The following PDK3 variants were observed in gnomAD, a reference collection of about 807,000 sequenced individuals.
PDK3 encodes the protein pyruvate dehydrogenase kinase 3.
A neutral mutation model predicts 32.0 loss-of-function variants in PDK3; 12 were observed. That is an observed-to-expected ratio of 0.37 (90% CI 0.24 to 0.61). The LOEUF (loss-of-function observed/expected upper bound fraction) is 0.61, where lower values mean the gene tolerates loss of function less well. Among genes scored for constraint, PDK3 ranks in the 20% least tolerant of loss-of-function variants. The probability of loss-of-function intolerance (pLI) is 0.65; values close to 1 mark genes in which losing one functional copy is unlikely to be tolerated. For synonymous variants in PDK3, 122 were observed against 116.3 expected, an observed-to-expected ratio of 1.05 and a Z score of -0.31; for missense variants, 188 against 316.9, an observed-to-expected ratio of 0.59 and a Z score of 3.09.
intron 1 of PDK3, among the ~76,000 whole-genome samples, chrX:24,467,972 A>G (rs751883118): frequency 6.2e-4 from 70 of 112,033 alleles, no homozygotes; most frequent in Non-Finnish European, 1.1e-3. Context: ...CATAAACAAA[A>G]TAGATGGATG....
intron 2 of PDK3, among the ~76,000 whole-genome samples, chrX:24,497,844 A>T (rs1004035245): frequency 1.8e-5 from 2 of 112,369 alleles, no homozygotes; most frequent in African/African-American, 6.5e-5. Context: ...CCAAATAGAG[A>T]TCACATATCT....
intron 6 of PDK3, 134 bp downstream of exon 6, chrX:24,519,144 C>T (rs990026600): frequency 8.1e-5 from 35 of 430,427 alleles, no homozygotes; most frequent in East Asian, 2.4e-4. Context: ...AAACTTTCTA[C>T]GCTTTTGGTC....
chrX:24,496,618 C>G (rs78097740), intron 2 of PDK3, among the ~76,000 whole-genome samples: 1 of 66,445 alleles, frequency 1.5e-5, no homozygotes, highest in African/African-American at 5.7e-5. Context: ...ATTTAGGAAT[C>G]CACTTCAGGA....
At chrX:24,486,270 G>A (rs777146971) in intron 1 of PDK3, among the ~76,000 whole-genome samples, 1 of 111,326 alleles carries the variant, frequency 9.0e-6, no homozygotes, top group African/African-American at 3.3e-5. Flanking sequence ...CGAAGCTGCC[G>A]TGATGTGAGG....
chrX:24,489,126 G>A (rs1921481918), intron 1 of PDK3, among the ~76,000 whole-genome samples: 1 of 111,717 alleles, frequency 9.0e-6, no homozygotes, highest in African/African-American at 3.3e-5. Context: ...AAAAATGGTT[G>A]TTAGAACCTT....
chrX:24,500,200 A>T (rs1921819725), intron 3 of PDK3, among the ~76,000 whole-genome samples: 1 of 111,970 alleles, frequency 8.9e-6, no homozygotes, highest in Admixed American at 9.5e-5. Context: ...AAGCAATAAA[A>T]AATAACAATG....
At chrX:24,507,172 C>G in intron 5 of PDK3, among the ~76,000 whole-genome samples, 1 of 111,007 alleles carries the variant, frequency 9.0e-6, no homozygotes, top group East Asian at 2.8e-4. Context: ...TCCCTTCTAC[C>G]CTTCTCTTTA....
intron 1 of PDK3, among the ~76,000 whole-genome samples, chrX:24,467,477 G>A (rs1021667480): frequency 8.9e-5 from 10 of 112,224 alleles, no homozygotes; most frequent in African/African-American, 3.2e-4. Context: ...ATAATTTAAG[G>A]TTTTCCTTAT....
At chrX:24,546,374 C>CT (rs1922996968) in exon 12 of PDK3, 1 of 111,969 alleles carries the variant, frequency 8.9e-6, no homozygotes, top group Admixed American at 9.5e-5. Context: ...GATGCTGTAG[C>CT]TAAAACAGCT....
rs200045909 is a variant in PDK3, at chrX:24,494,767, T to C, written c.132T>C (p.Thr44=). ...GGAGAGATAATGCATGTGAGAAAAC[T>C]TCATATATGTTTCTACGAAAGGAAC... The part of the protein sequence containing the change: ...DFGRDNACEK[T]SYMFLRKELP... Residue 44 remains threonine (T), a synonymous_variant, in exon 2 of 11, where the codon ACT becomes ACC. Transcript: ENST00000379162. The C allele has an allele frequency of 9.1e-5, 109 of 1,193,600 alleles. No individual in the cohort carries two copies. The highest frequency in any genetic ancestry group is 1.2e-4 in the Non-Finnish European group (103 of 881,955).
At chrX:24,514,942 A>G (rs774911009) in intron 5 of PDK3, among the ~76,000 whole-genome samples, 13 of 111,744 alleles carry the variant, frequency 1.2e-4, no homozygotes, top group Non-Finnish European at 2.3e-4. Flanking sequence ...ACACACAGCT[A>G]GATTGGGGAA....
At chrX:24,470,687 CAAAAAAA>C (rs58511156) in intron 1 of PDK3, among the ~76,000 whole-genome samples, 36 of 26,283 alleles carry the variant, frequency 1.4e-3, no homozygotes, top group African/African-American at 4.0e-3. Flanking sequence ...AACGGCATCT[CAAAAAAA>C]AAAAAAAAAA....
rs747337773 is a variant in PDK3, at chrX:24,465,491, G to A, written c.36G>A (p.Val12=). 9.9e-5 allele frequency: 120 copies of A among 1,209,010 alleles called. No individual in the cohort carries two copies. Among genetic ancestry groups the A allele is most frequent in the Non-Finnish European group, 1.2e-4 (110 of 893,850 alleles). The change falls in exon 1 of 11, where the codon GTG becomes GTA. Residue 12 remains valine (V), a synonymous_variant. Transcript: ENST00000379162. The stretch of plus-strand genomic sequence containing the variant: ...TCCGGTGGCTGCTGAAGCAGCCGGT[G>A]CCCAAGCAGATCGAGCGCTACTCGC... ...RLFRWLLKQP[V]PKQIERYSRF...
chrX:24,491,278 CAAAA>C (rs55876160), intron 1 of PDK3, among the ~76,000 whole-genome samples: 1 of 68,801 alleles, frequency 1.5e-5, no homozygotes. Flanking sequence ...GACCCTGTCT[CAAAA>C]AAAAAAAAAA....
intron 5 of PDK3, among the ~76,000 whole-genome samples, chrX:24,510,740 C>T (rs1922097022): frequency 8.9e-6 from 1 of 111,961 alleles, no homozygotes. Flanking sequence ...CTGTGATACT[C>T]ATTATCTGTA....
chrX:24,484,845 CCTCTCTCTCT>C (rs56683164), intron 1 of PDK3, among the ~76,000 whole-genome samples: 1 of 105,335 alleles, frequency 9.5e-6, no homozygotes, highest in Non-Finnish European at 2.0e-5. Flanking sequence ...CATCCCTATT[CCTCTCTCTCT>C]CTCTCTCTCT....
At chrX:24,477,065 A>G (rs1921131417) in intron 1 of PDK3, among the ~76,000 whole-genome samples, 1 of 112,020 alleles carries the variant, frequency 8.9e-6, no homozygotes, top group African/African-American at 3.2e-5. Flanking sequence ...CTTTTGGGGT[A>G]GTGAAGGCTT....
chrX:24,466,408 T>C (rs969829590), intron 1 of PDK3, among the ~76,000 whole-genome samples: 40 of 112,118 alleles, frequency 3.6e-4, no homozygotes, highest in African/African-American at 1.3e-3. Context: ...AACGCATGCA[T>C]TGAGGTATCA....
intron 1 of PDK3, among the ~76,000 whole-genome samples, chrX:24,468,666 T>G (rs1254712570): frequency 8.9e-6 from 1 of 112,312 alleles, no homozygotes; most frequent in African/African-American, 3.2e-5. Flanking sequence ...GCTGGCCCCC[T>G]TTCATCTATG....
Sources: gnomAD v4.1 joint callset for allele counts (sites outside exome capture counted in the v4.1 genomes callset) on GRCh38, gnomAD v4.1.1 for gene constraint, MANE v1.5 for transcripts, NCBI Gene and HGNC (gene_info 2026-07-23, HGNC 2026-07-21) for gene names.